JMJD1C: variants seen among roughly 807,000 people sequenced by gnomAD.
The protein encoded by JMJD1C is jumonji domain-containing protein 1C.
JMJD1C carries 31 observed loss-of-function variants against 245.3 expected under a neutral mutation model. That is an observed-to-expected ratio of 0.13 (90% confidence interval 0.09 to 0.17). The LOEUF (loss-of-function observed/expected upper bound fraction) is 0.17. Among genes scored for constraint, JMJD1C ranks in the 10% least tolerant of loss-of-function variants. The probability of loss-of-function intolerance (pLI) is 1.00; values close to 1 mark genes in which losing one functional copy is unlikely to be tolerated. For missense variants in JMJD1C, 2,691 were observed against 3,000.2 expected (o/e 0.90, Z 2.41); for synonymous variants, 1,057 against 1,017.4 (o/e 1.04, Z -0.74).
chr10:63,220,528 C>T (rs185116004), intron 3 of JMJD1C, among the ~76,000 whole-genome samples: 4 of 152,280 alleles, frequency 2.6e-5, no homozygotes, highest in East Asian at 3.9e-4. Context: ...TTGAAACTAG[C>T]GCCAAAGCAT....
chr10:63,329,037 T>A (rs1941840905), intron 2 of JMJD1C, among the ~76,000 whole-genome samples: 1 of 152,120 alleles, frequency 6.6e-6, no homozygotes, highest in African/African-American at 2.4e-5. Context: ...ATCCCAGCAC[T>A]TTGAAAGGCT....
intron 2 of JMJD1C, among the ~76,000 whole-genome samples, chr10:63,272,203 T>G (rs1384958329): frequency 2.6e-5 from 4 of 152,164 alleles, no homozygotes; most frequent in Admixed American, 2.6e-4. Context: ...GAGTAAAGTA[T>G]GGCTTTATTT....
chr10:63,333,963 A>G (rs1942431452), intron 2 of JMJD1C, among the ~76,000 whole-genome samples: 1 of 152,150 alleles, frequency 6.6e-6, no homozygotes, highest in East Asian at 1.9e-4. Flanking sequence ...AGATCAATTA[A>G]AAAAAATAAT....
Position 63,189,453 on chromosome 10 carries a change from A to C in JMJD1C, c.6292-7T>G. ...TCCGTCCACTTTTGCTACTCTATTA[A>C]GGAAAAAACAAAACAAAAAAAACCT... On this transcript the variant is annotated splice_region_variant and splice_polypyrimidine_tract_variant and intron_variant, in intron 17 of 25. Coordinates refer to ENST00000399262, the MANE Select transcript of JMJD1C (RefSeq NM_032776.3). 6.3e-7 allele frequency: 1 copy of C among 1,578,472 alleles called. No homozygotes were observed. The highest frequency in any genetic ancestry group is 8.6e-7 in the Non-Finnish European group (1 of 1,168,470).
chr10:63,475,427 G>A (rs761940143), intron 1 of JMJD1C, among the ~76,000 whole-genome samples: 36 of 152,090 alleles, frequency 2.4e-4, no homozygotes, highest in Non-Finnish European at 4.4e-4. Flanking sequence ...AAAAGTTCGG[G>A]TACTTGTCAA....
At chr10:63,276,327 G>A (rs952490666) in intron 2 of JMJD1C, among the ~76,000 whole-genome samples, 25 of 151,952 alleles carry the variant, frequency 1.6e-4, no homozygotes, top group African/African-American at 4.8e-4. Flanking sequence ...TTAGCTGGGC[G>A]GGGTGGCGGG....
chr10:63,479,830 A>G (rs915723317), intron 1 of JMJD1C, among the ~76,000 whole-genome samples: 7 of 152,206 alleles, frequency 4.6e-5, no homozygotes, highest in Non-Finnish European at 1.0e-4. Flanking sequence ...AGAGTGACAC[A>G]GAAATAGCAG....
chr10:63,321,243 G>A (rs1016457947), intron 2 of JMJD1C, among the ~76,000 whole-genome samples: 1 of 152,212 alleles, frequency 6.6e-6, no homozygotes, highest in Admixed American at 6.5e-5. Flanking sequence ...TAAGTAAAGT[G>A]TTTCTCTGAC....
chr10:63,229,505 C>T (rs947823812), intron 3 of JMJD1C, among the ~76,000 whole-genome samples: 2 of 151,958 alleles, frequency 1.3e-5, no homozygotes, highest in Non-Finnish European at 2.9e-5. Context: ...CTCATTCATA[C>T]AATCAAGAAG....
intron 1 of JMJD1C, among the ~76,000 whole-genome samples, chr10:63,405,251 G>C (rs2132620500): frequency 6.6e-6 from 1 of 151,414 alleles, no homozygotes; most frequent in Non-Finnish European, 1.5e-5. Context: ...TGATTTATCT[G>C]TTACACAGCT....
chr10:63,305,525 C>G (rs1206044160), intron 2 of JMJD1C, among the ~76,000 whole-genome samples: 3 of 150,726 alleles, frequency 2.0e-5, no homozygotes. Context: ...CTCTCTCTCT[C>G]TCTCTGGAGG....
At chr10:63,308,208 A>AC (rs1442821238) in intron 2 of JMJD1C, among the ~76,000 whole-genome samples, 2 of 152,008 alleles carry the variant, frequency 1.3e-5, no homozygotes, top group Non-Finnish European at 2.9e-5. Context: ...TATCTAACGA[A>AC]CTTCAGCCAT....
At chr10:63,305,627 G>GGTGTGTGTGTGTGTGT (rs1420500276) in intron 2 of JMJD1C, among the ~76,000 whole-genome samples, 12 of 58,720 alleles carry the variant, frequency 2.0e-4, no homozygotes, top group Admixed American at 3.6e-4. Context: ...CCACCATGCT[G>GGTGTGTGTGTGTGTGT]GCGTGTGTGT....
At chr10:63,491,431 A>C (rs1003013327) in intron 1 of JMJD1C, among the ~76,000 whole-genome samples, 2 of 152,200 alleles carry the variant, frequency 1.3e-5, no homozygotes, top group Non-Finnish European at 2.9e-5. Context: ...GTAAGATGGA[A>C]TCTGCACCAG....
intron 1 of JMJD1C, among the ~76,000 whole-genome samples, chr10:63,425,493 C>T (rs1950386906): frequency 6.6e-6 from 1 of 152,162 alleles, no homozygotes; most frequent in Non-Finnish European, 1.5e-5. Context: ...TCAGTCAAAA[C>T]TGAAAAGTCT....
At chr10:63,244,924 G>A (rs1359237960) in intron 3 of JMJD1C, among the ~76,000 whole-genome samples, 9 of 151,982 alleles carry the variant, frequency 5.9e-5, no homozygotes, top group Non-Finnish European at 5.9e-5. Flanking sequence ...ATCACTTGTG[G>A]TCAGGAGTTC....
intron 1 of JMJD1C, among the ~76,000 whole-genome samples, chr10:63,410,175 C>A (rs942317029): frequency 6.6e-6 from 1 of 152,074 alleles, no homozygotes; most frequent in African/African-American, 2.4e-5. Flanking sequence ...AATATTGTAA[C>A]CATTTATAAA....
intron 1 of JMJD1C, among the ~76,000 whole-genome samples, chr10:63,494,410 A>T (rs1478452098): frequency 6.6e-6 from 1 of 152,188 alleles, no homozygotes. Flanking sequence ...GCTGCATATC[A>T]TTTAAGTTAA....
intron 2 of JMJD1C, among the ~76,000 whole-genome samples, chr10:63,348,634 G>C (rs1944060748): frequency 6.6e-6 from 1 of 152,156 alleles, no homozygotes; most frequent in Admixed American, 6.5e-5. Context: ...AAAGGTGACT[G>C]ATACTGTTTG....
Sources: gnomAD v4.1 joint callset for allele counts (sites outside exome capture counted in the v4.1 genomes callset) on GRCh38, gnomAD v4.1.1 for gene constraint, MANE v1.5 for transcripts, NCBI Gene and HGNC (gene_info 2026-07-23, HGNC 2026-07-21) for gene names.